CNTN3: variants seen among roughly 807,000 people sequenced by gnomAD.
The protein encoded by CNTN3 is contactin 3.
Under a neutral mutation model 119.1 loss-of-function variants are expected in CNTN3, and 60 were observed. The ratio of observed to expected loss-of-function variants is 0.50; its 90% CI spans 0.41 to 0.62. CNTN3 has a LOEUF of 0.62. Among genes scored for constraint, CNTN3 ranks in the 20% least tolerant of loss-of-function variants. The pLI, the probability that CNTN3 is intolerant of heterozygous loss-of-function variation, is 0.00. For missense variants in CNTN3, 1,101 were observed against 1,242.4 expected (o/e 0.89, Z 1.71); for synonymous variants, 450 against 438.7 (o/e 1.03, Z -0.32).
chr3:74,380,774 G>T (rs542772661), intron 5 of CNTN3, among the ~76,000 whole-genome samples: 24 of 152,208 alleles, frequency 1.6e-4, no homozygotes, highest in African/African-American at 5.5e-4. Context: ...AATAATTAAG[G>T]GCTAGTGAAT....
intron 7 of CNTN3, 88 bp downstream of exon 7, chr3:74,369,801 T>C: frequency 1.5e-6 from 1 of 688,112 alleles, no homozygotes; most frequent in Non-Finnish European, 2.4e-6. Context: ...TTTTAGAAAA[T>C]AAAAAAGAAG....
intron 4 of CNTN3, among the ~76,000 whole-genome samples, chr3:74,452,717 T>C (rs1206088916): frequency 1.4e-5 from 2 of 140,594 alleles, no homozygotes; most frequent in Admixed American, 7.3e-5. Flanking sequence ...TGAGAGTTTT[T>C]AGCATGAAGA....
At chr3:74,325,563 C>A in intron 13 of CNTN3, among the ~76,000 whole-genome samples, 1 of 151,982 alleles carries the variant, frequency 6.6e-6, no homozygotes, top group Non-Finnish European at 1.5e-5. Context: ...GAAGCAGGAC[C>A]CCTTTACTAG....
chr3:74,428,113 A>T (rs1176354570), intron 4 of CNTN3, among the ~76,000 whole-genome samples: 2 of 152,172 alleles, frequency 1.3e-5, no homozygotes, highest in African/African-American at 2.4e-5. Flanking sequence ...ATTGTGTAAA[A>T]AACCTACTAT....
intron 19 of CNTN3, among the ~76,000 whole-genome samples, chr3:74,291,848 A>G (rs1165009717): frequency 2.6e-5 from 4 of 152,122 alleles, no homozygotes; most frequent in African/African-American, 9.7e-5. Context: ...GCTGGGGGCC[A>G]TGTTTGGTGA....
chr3:74,385,138 G>C (rs1164899019), intron 5 of CNTN3, among the ~76,000 whole-genome samples: 3 of 152,186 alleles, frequency 2.0e-5, no homozygotes, highest in South Asian at 2.1e-4. Context: ...CTTCTTGTTA[G>C]AGAAGGATTT....
chr3:74,520,098 T>C (rs1477812489), intron 2 of CNTN3, among the ~76,000 whole-genome samples: 1 of 151,626 alleles, frequency 6.6e-6, no homozygotes, highest in Non-Finnish European at 1.5e-5. Context: ...AGCTACTTTT[T>C]TCTTAGGTTC....
intron 5 of CNTN3, among the ~76,000 whole-genome samples, chr3:74,418,849 T>C (rs4677392): frequency 0.71 from 107,338 of 151,642 alleles, 38,099 homozygotes; most frequent in East Asian, 0.81. Context: ...AGTGCAATGG[T>C]GCGATCTCGG....
In CNTN3 at chr3:74,303,538, C is replaced by G. The variant is rs368433567; in HGVS notation, c.1669-731G>C. Among the ~76,000 whole-genome samples, 47 of 152,066 alleles carry G rather than the reference C, an allele frequency of 3.1e-4. 2 individuals are homozygous for G. The South Asian group carries it at 9.5e-3, about 31-fold the overall frequency. ...TGAAACCCCATCTCTACTAAAAATA[C>G]AAAAATTAGCTGGGTGTGGTGGCGT... On this transcript the variant is annotated intron_variant, in intron 13 of 22. Transcript: ENST00000263665.
intron 22 of CNTN3, 52 bp from the exon 23 acceptor site, chr3:74,264,553 C>T: frequency 8.1e-7 from 1 of 1,233,416 alleles, no homozygotes; most frequent in Non-Finnish European, 1.2e-6. Flanking sequence ...AATATGTAAT[C>T]AGGGTGCTAG....
At chr3:74,575,423 T>C (rs565813524) in intron 1 of CNTN3, among the ~76,000 whole-genome samples, 2 of 151,930 alleles carry the variant, frequency 1.3e-5, no homozygotes, top group Non-Finnish European at 2.9e-5. Context: ...GACTAATTTT[T>C]ATATTTTTAG....
chr3:74,512,286 G>C lies in CNTN3; in HGVS notation c.55+8772C>G, dbSNP rs180714272. Among the ~76,000 whole-genome samples the C allele has an allele frequency of 3.4e-3, 516 of 152,156 alleles. 5 individuals carry two copies. The highest frequency in any genetic ancestry group is 0.012 in the African/African-American group (499 of 41,502). On this transcript the variant is annotated intron_variant, in intron 2 of 22. Transcript: ENST00000263665. ...GCCTGAAAAATAGGATGGAATTGTC[G>C]TTATCTTCATGGTAGTTGTGAATAC...
chr3:74,264,346 G>T lies in CNTN3; in HGVS notation c.*55C>A. On this transcript the variant is annotated 3_prime_UTR_variant, in exon 23 of 23. Transcript: ENST00000263665. Reference sequence around the variant, plus strand: ...TGCATAATCACTGCATTTCATGAAAGCACTTTTTTTGGTAACCAAATAACT... The same window carrying T: ...TGCATAATCACTGCATTTCATGAAATCACTTTTTTTGGTAACCAAATAACT... 1.1e-6 allele frequency: 1 copy of T among 952,092 alleles called. No individual in the cohort carries two copies. Among genetic ancestry groups the T allele is most frequent in the Non-Finnish European group, 1.5e-6 (1 of 674,652 alleles). 59.0% of individuals were successfully genotyped at this position (952,092 alleles called of 1,614,324 possible).
In CNTN3 at chr3:74,509,866, ATTTTAC is replaced by A. The variant is rs551056391; in HGVS notation, c.56-10087_56-10082del. ...TGAATTCCTAGAACAATGTTTGTGT[ATTTTAC>A]TCATCACAACATCATTATCCTATAA... On this transcript the variant is annotated intron_variant, in intron 2 of 22. Transcript: ENST00000263665. 2.3e-3 allele frequency among the ~76,000 whole-genome samples: 351 copies of A among 152,014 alleles called. 3 individuals carry two copies. Among genetic ancestry groups the A allele is most frequent in the African/African-American group, 7.7e-3 (320 of 41,468 alleles).
At chr3:74,354,043 G>C (rs1210460387) in intron 11 of CNTN3, among the ~76,000 whole-genome samples, 1 of 151,964 alleles carries the variant, frequency 6.6e-6, no homozygotes, top group African/African-American at 2.4e-5. Context: ...CAATAATACA[G>C]CATATAATGC....
At chr3:74,395,761 T>C (rs1705032615) in intron 5 of CNTN3, among the ~76,000 whole-genome samples, 1 of 152,166 alleles carries the variant, frequency 6.6e-6, no homozygotes, top group African/African-American at 2.4e-5. Flanking sequence ...AGATATTGTG[T>C]GTGTGTGTTT....
Position 74,293,543 on chromosome 3 carries a change from C to T in CNTN3, c.2517+1578G>A, listed in dbSNP as rs143686578. 1.1e-3 allele frequency among the ~76,000 whole-genome samples: 166 copies of T among 152,278 alleles called. 1 individual carries two copies. The highest frequency in any genetic ancestry group is 3.7e-3 in the African/African-American group (154 of 41,560). ...AGGCTACAGTGCAATGGCAGGATGA[C>T]GGCTCACTGAAGCCTCGACCTCCTG... On this transcript the variant is annotated intron_variant, in intron 19 of 22. Transcript: ENST00000263665.
intron 13 of CNTN3, among the ~76,000 whole-genome samples, chr3:74,322,305 A>C (rs1703015484): frequency 6.6e-6 from 1 of 152,180 alleles, no homozygotes; most frequent in Non-Finnish European, 1.5e-5. Flanking sequence ...TTCCCAATAC[A>C]AAAATGAACA....
chr3:74,500,322 G>A (rs192163536), intron 2 of CNTN3, among the ~76,000 whole-genome samples: 47 of 151,962 alleles, frequency 3.1e-4, no homozygotes, highest in Non-Finnish European at 5.2e-4. Flanking sequence ...TTTTAAAGAT[G>A]TTTCTACTTT....
Sources: allele counts gnomAD v4.1 joint callset (sites outside exome capture counted in the v4.1 genomes callset), GRCh38; gene constraint gnomAD v4.1.1; transcripts MANE v1.5; gene names NCBI Gene and HGNC (gene_info 2026-07-23, HGNC 2026-07-21).